PIAS3: variants seen among roughly 807,000 people sequenced by gnomAD.
PIAS3 encodes E3 SUMO-protein ligase PIAS3.
A neutral mutation model predicts 67.6 loss-of-function variants in PIAS3; 34 were observed. The ratio of observed to expected loss-of-function variants is 0.50; its 90% CI spans 0.38 to 0.67. The LOEUF (loss-of-function observed/expected upper bound fraction) is 0.67, where lower values mean the gene tolerates loss of function less well. PIAS3 is among the 30% of genes least tolerant of loss of function. PIAS3 has a pLI of 0.00. For synonymous variants in PIAS3, 341 were observed against 313.8 expected (o/e 1.09, Z -0.92); for missense variants, 693 against 791.6 (o/e 0.88, Z 1.49).
chr1:145,853,993 A>G, intron 7 of PIAS3, 107 bp from the exon 8 acceptor site: 1 of 930,438 alleles, frequency 1.1e-6, no homozygotes, highest in Non-Finnish European at 1.7e-6. Flanking sequence ...TGCTGGGTGG[A>G]GCGTCTTTGG....
rs1653097014 is a variant in PIAS3 at position 145,854,804 on chromosome 1, C to T, written c.746G>A (p.Arg249Gln). The T allele has an allele frequency of 1.9e-6, 3 of 1,614,004 alleles. No individual in the cohort carries two copies. Among genetic ancestry groups the T allele is most frequent in the African/African-American group, 1.3e-5 (1 of 74,918 alleles). The change falls in exon 6 of 14, where the codon CGA becomes CAA. Residue 249 changes from arginine (R) to glutamine (Q), a missense_variant. By Grantham distance (43) the Arg-to-Gln change is conservative. Transcript: ENST00000393045. ...GGTGTTGGGAACAGTGGCTGAGAGT[C>T]GAGCCAGGGGTGTGATGTTGATGGG... ...SRPINITPLARLSATVPNTIV... is the reference protein window; with the variant it reads ...SRPINITPLAQLSATVPNTIV...
At chr1:145,853,044 T>C (rs1247618137) in intron 9 of PIAS3, among the ~76,000 whole-genome samples, 1 of 151,960 alleles carries the variant, frequency 6.6e-6, no homozygotes, top group Non-Finnish European at 1.5e-5. Flanking sequence ...AAGGTGAGAA[T>C]TGCAGTTCAT....
rs1553734271 is a variant in PIAS3 at position 145,851,165 on chromosome 1, G to C, written c.1146-12C>G. 6.2e-7 allele frequency: 1 copy of C among 1,613,122 alleles called. No homozygotes were observed. ...TCTCCATAAATAAACTGGGGGAAGA[G>C]AGAGATGAAAATTCACGGGGCTGGG... On this transcript the variant is annotated splice_polypyrimidine_tract_variant and intron_variant, in intron 9 of 13. Coordinates refer to ENST00000393045, the MANE Select transcript of PIAS3 (RefSeq NM_006099.3).
intron 1 of PIAS3, among the ~76,000 whole-genome samples, chr1:145,857,718 G>C (rs1653248928): frequency 6.6e-6 from 1 of 152,158 alleles, no homozygotes; most frequent in African/African-American, 2.4e-5. Context: ...ACCAAAACTT[G>C]GGTCGGGGAG....
Position 145,855,808 on chromosome 1 carries a change from G to T in PIAS3, c.597C>A (p.Thr199=), listed in dbSNP as rs782079253. 4 of 1,603,726 alleles carry T rather than the reference G, an allele frequency of 2.5e-6. No homozygotes were observed. The East Asian group carries it at 6.7e-5, about 27-fold the overall frequency. The change falls in exon 5 of 14, where the codon ACC becomes ACA. Residue 199 remains threonine, a synonymous_variant. Coordinates refer to ENST00000393045, the MANE Select transcript of PIAS3 (RefSeq NM_006099.3). The stretch of plus-strand genomic sequence containing the variant: ...GAAAATAATCTTCCTGGGGGCAGCT[G>T]GTCTCACAGAGACAGAACCTGGTAA... ...QVQLRFCLCE[T]SCPQEDYFPP... is the part of the protein sequence containing the mutation.
chr1:145,853,995 C>G, intron 7 of PIAS3, 109 bp from the exon 8 acceptor site: 1 of 883,898 alleles, frequency 1.1e-6, no homozygotes, highest in South Asian at 1.5e-5. Flanking sequence ...CTGGGTGGAG[C>G]GTCTTTGGGG....
At chr1:145,849,862 C>A in intron 13 of PIAS3, 150 bp from the exon 14 acceptor site, 1 of 1,473,694 alleles carries the variant, frequency 6.8e-7, no homozygotes, top group Non-Finnish European at 8.9e-7. Context: ...CCCTCTTTCC[C>A]CTACTTCCCT....
intron 5 of PIAS3, among the ~76,000 whole-genome samples, chr1:145,855,279 C>T (rs782227501): frequency 2.8e-4 from 42 of 152,126 alleles, no homozygotes; most frequent in Middle Eastern, 3.4e-3. Flanking sequence ...GTCAGGAGTT[C>T]GAGACCAGCC....
rs1553733637 is a variant in PIAS3 at position 145,849,641 on chromosome 1, C to G, written c.1692G>C (p.Gly564=). 6.2e-7 allele frequency: 1 copy of G among 1,613,178 alleles called. No homozygotes were observed. The highest frequency in any genetic ancestry group is 1.1e-5 in the South Asian group (1 of 90,894). ...GTGGGCCCAGAAAGTGAGAAGGGGT[C>G]CCTCGGTACTGGAAGAAGTGGCCAA... ...DALGHFFQYR[G]TPSHFLGPLA... is the part of the protein sequence containing the mutation. The change falls in exon 14 of 14, where the codon GGG becomes GGC. Residue 564 remains glycine, a synonymous_variant. Transcript: ENST00000393045.
At chr1:145,857,954 G>C (rs951674116) in intron 1 of PIAS3, among the ~76,000 whole-genome samples, 35 of 152,310 alleles carry the variant, frequency 2.3e-4, no homozygotes, top group African/African-American at 8.4e-4. Context: ...CCTGAAGGTA[G>C]CTGGGCCCAG....
chr1:145,858,943 G>A, intron 1 of PIAS3, 24 bp downstream of exon 1: 2 of 1,516,074 alleles, frequency 1.3e-6, no homozygotes, highest in Non-Finnish European at 8.8e-7. Flanking sequence ...AGTCCAGATG[G>A]GGATGGGGGG....
chr1:145,850,557 G>A lies in PIAS3; in HGVS notation c.1478C>T (p.Ser493Leu), dbSNP rs782202744. 28 of 1,614,208 alleles carry A rather than the reference G, an allele frequency of 1.7e-5. No individual in the cohort carries two copies. The highest frequency in any genetic ancestry group is 3.3e-4 in the Middle Eastern group (2 of 6,060). Residue 493 changes from serine (S) to leucine (L), a missense_variant, in exon 12 of 14, where the codon TCG becomes TTG. Coordinates refer to ENST00000393045, the MANE Select transcript of PIAS3 (RefSeq NM_006099.3). ...GCCCATAGCAGGGCTCCTTAGCACC[G>A]AGGATGGCTGGTGGCCAGATGTCAG... ...GVLTSGHQPS[S>L]VLRSPAMGTL...
chr1:145,853,832 C>CGG lies in PIAS3; in HGVS notation c.963_964dup (p.Arg322ProfsTer9). On this transcript the variant is annotated frameshift_variant, in exon 8 of 14. Transcript: ENST00000393045. LOFTEE classifies it high-confidence loss of function. ...ACCCACCGGGCACATGAGTGACACC[C>CGG]GGAGACTTGTAGTGGCCACCTCACT... is the stretch of plus-strand genomic sequence containing the variant. The CGG allele has an allele frequency of 6.2e-7, 1 of 1,614,116 alleles. No homozygotes were observed. The highest frequency in any genetic ancestry group is 8.5e-7 in the Non-Finnish European group (1 of 1,180,010).
Position 145,850,506 on chromosome 1 carries a change from C to A in PIAS3, c.1529G>T (p.Ser510Ile), listed in dbSNP as rs1401246513. The change falls in exon 12 of 14, where the codon AGT becomes ATT. Residue 510 changes from serine (S) to isoleucine (I), a missense_variant. By Grantham distance (142) the Ser-to-Ile change is moderately radical (BLOSUM62 -2). Around this residue, in one of 3 missense-constraint regions of PIAS3, gnomAD observed 270 missense variants for 261.0 expected, o/e 1.03. Transcript: ENST00000393045. ...AGGTGGGTACTCATGTAGTGGGAGA[C>A]TGGACAGGAAATCCCCACCCAACGT... ...MGTLGGDFLSSLPLHEYPPAF... is the reference protein window; with the variant it reads ...MGTLGGDFLSILPLHEYPPAF... The A allele has an allele frequency of 6.2e-7, 1 of 1,614,192 alleles. No individual in the cohort carries two copies. The highest frequency in any genetic ancestry group is 8.5e-7 in the Non-Finnish European group (1 of 1,180,032).
chr1:145,854,206 T>C, intron 7 of PIAS3: 1 of 596,544 alleles, frequency 1.7e-6, no homozygotes. Context: ...GCCCATATTC[T>C]AGCAGGGCTG....
chr1:145,849,959 C>T (rs1175275169), intron 13 of PIAS3: 3 of 1,420,808 alleles, frequency 2.1e-6, no homozygotes, highest in Non-Finnish European at 2.7e-6. Flanking sequence ...TGTGGAATGT[C>T]CGGTTAGAGC....
At chr1:145,851,330 G>A in intron 9 of PIAS3, 177 bp from the exon 10 acceptor site, 1 of 676,046 alleles carries the variant, frequency 1.5e-6, no homozygotes, top group South Asian at 1.9e-5. Context: ...ATGTAAAAGA[G>A]CTTTGCAAAG....
At chr1:145,854,666 G>A in intron 6 of PIAS3, 80 bp downstream of exon 6, 1 of 1,601,632 alleles carries the variant, frequency 6.2e-7, no homozygotes, top group South Asian at 1.1e-5. Flanking sequence ...AGAGGAAAAT[G>A]CTTCCCCAAC....
rs1188623126 is a variant in PIAS3, at chr1:145,851,655, CAAA to C, written c.1146-505_1146-503del. On this transcript the variant is annotated intron_variant, in intron 9 of 13. Coordinates refer to ENST00000393045, the MANE Select transcript of PIAS3 (RefSeq NM_006099.3). ...TGGGAAACAGAGCAAGGCTCTGCCT[CAAA>C]AAAAAAAAAAAAAAAAAAGCCGGCG... 2.5e-3 allele frequency among the ~76,000 whole-genome samples: 106 copies of C among 41,800 alleles called. 1 individual carries two copies. The South Asian group carries it at 0.076, about 30-fold the overall frequency. The allele number at this position is 41,800 out of a possible 152,430, so 27.4% of individuals were successfully genotyped here.
Sources: allele counts gnomAD v4.1 joint callset (sites outside exome capture counted in the v4.1 genomes callset), GRCh38; gene constraint gnomAD v4.1.1; regional missense constraint gnomAD v4.1.1; transcripts MANE v1.5; gene names NCBI Gene and HGNC (gene_info 2026-07-23, HGNC 2026-07-21).